Variants in TDRD9 observed in about 807,000 individuals in gnomAD.
TDRD9 encodes tudor domain containing 9.
A neutral mutation model predicts 172.6 loss-of-function variants in TDRD9; 124 were observed. The observed-to-expected ratio is 0.72, with a 90% CI of 0.62 to 0.83. The LOEUF is 0.83. Among genes scored for constraint, TDRD9 ranks in the 40% least tolerant of loss-of-function variants. The probability of loss-of-function intolerance (pLI) is 0.00; values close to 1 mark genes in which losing one functional copy is unlikely to be tolerated. For synonymous variants in TDRD9, 619 were observed against 617.1 expected (o/e 1.00, Z -0.05); for missense variants, 1,479 against 1,714.1 (o/e 0.86, Z 2.42).
chr14:103,964,765 C>T (rs561151361), intron 3 of TDRD9, among the ~76,000 whole-genome samples: 5 of 152,146 alleles, frequency 3.3e-5, no homozygotes, highest in Admixed American at 1.3e-4. Flanking sequence ...CCTCGTGATC[C>T]GCCCGCCTTG....
intron 8 of TDRD9, among the ~76,000 whole-genome samples, chr14:103,986,552 A>C (rs2033667776): frequency 6.6e-6 from 1 of 152,208 alleles, no homozygotes; most frequent in African/African-American, 2.4e-5. Context: ...ATAGTTTTAA[A>C]AGCTAGGATT....
chr14:103,952,388 C>G (rs919714698), intron 1 of TDRD9, among the ~76,000 whole-genome samples: 3 of 149,172 alleles, frequency 2.0e-5, no homozygotes, highest in Admixed American at 6.7e-5. Context: ...ACTACAGGCG[C>G]CCGCCACCAC....
At chr14:103,986,105 TAGAG>T (rs2033649095) in intron 7 of TDRD9, 108 bp from the exon 8 acceptor site, 2 of 756,598 alleles carry the variant, frequency 2.6e-6, no homozygotes, top group African/African-American at 1.8e-5. Context: ...AACTTTTATT[TAGAG>T]AGTTTGTTAC....
chr14:103,952,362 T>C (rs1484676610), intron 1 of TDRD9, among the ~76,000 whole-genome samples: 2 of 145,382 alleles, frequency 1.4e-5, no homozygotes, highest in East Asian at 2.1e-4. Context: ...CTGCCTCAGC[T>C]TCCCGAGTAT....
chr14:104,005,924 A>G (rs1391422593), intron 15 of TDRD9, among the ~76,000 whole-genome samples: 1 of 152,130 alleles, frequency 6.6e-6, no homozygotes, highest in Non-Finnish European at 1.5e-5. Context: ...TGACCCTCCC[A>G]CTGTGGCCTC....
At chr14:103,944,081 ATT>A (rs1271619734) in intron 1 of TDRD9, among the ~76,000 whole-genome samples, 4 of 151,958 alleles carry the variant, frequency 2.6e-5, no homozygotes, top group Admixed American at 2.6e-4. Context: ...TACTGCATAA[ATT>A]TTTTTCCTCT....
intron 19 of TDRD9, 99 bp downstream of exon 19, chr14:104,007,303 AC>A (rs2034471927): frequency 1.7e-6 from 2 of 1,181,842 alleles, no homozygotes; most frequent in African/African-American, 1.5e-5. Context: ...TGACGGTGCC[AC>A]CTGCGGCTGG....
intron 26 of TDRD9, 36 bp from the exon 27 acceptor site, chr14:104,026,011 C>A (rs143364824): frequency 2.9e-6 from 4 of 1,396,222 alleles, no homozygotes; most frequent in East Asian, 2.3e-5. Flanking sequence ...TTGTTTTTGA[C>A]CCCGTCGTAA....
chr14:104,049,553 A>G (rs548093754), intron 34 of TDRD9, 55 bp from the exon 35 acceptor site: 148 of 1,366,560 alleles, frequency 1.1e-4, no homozygotes, highest in Non-Finnish European at 1.5e-4. Context: ...AAATCACAGC[A>G]GTGTTTTCAG....
chr14:103,953,303 C>G (rs888126976), intron 1 of TDRD9, among the ~76,000 whole-genome samples: 2 of 152,166 alleles, frequency 1.3e-5, no homozygotes, highest in African/African-American at 4.8e-5. Context: ...GGGAGCCACC[C>G]AGGCATCTTG....
intron 7 of TDRD9, among the ~76,000 whole-genome samples, chr14:103,977,523 ATT>A (rs1447411594): frequency 2.3e-4 from 27 of 117,512 alleles, no homozygotes; most frequent in African/African-American, 7.4e-4. Flanking sequence ...AAAAAAAAAA[ATT>A]GGATTGTTTT....
At chr14:104,034,347 T>C (rs553324581) in intron 31 of TDRD9, among the ~76,000 whole-genome samples, 3 of 151,742 alleles carry the variant, frequency 2.0e-5, no homozygotes, top group South Asian at 2.1e-4. Context: ...CCTGCCACCA[T>C]GCCTGGCTAA....
chr14:103,937,874 C>CT (rs147358824), intron 1 of TDRD9, among the ~76,000 whole-genome samples: 51,062 of 149,950 alleles, frequency 0.34, 8,818 homozygotes, highest in Middle Eastern at 0.37. Context: ...TTTTAATTTT[C>CT]TTTTTTGAAT....
At position 103,965,430 on chromosome 14, in the gene TDRD9, A is replaced by G. The variant is rs767083697; in HGVS notation, c.518A>G (p.Tyr173Cys). ...CTCCCGCAGTATATCTTGGACCACT[A>G]CGTTCAGCGCTCCGCCTACTGCAGC... ...TQLPQYILDH[Y>C]VQRSAYCSIV... Residue 173 changes from tyrosine to cysteine, a missense_variant, in exon 4 of 36, where the codon TAC becomes TGC. Physicochemically the swap from Tyr to Cys is radical, Grantham distance 194 (BLOSUM62 -2). Around this residue, in one of 3 missense-constraint regions of TDRD9, gnomAD observed 1,413 missense variants for 1,649.1 expected, o/e 0.86. Coordinates refer to ENST00000409874, the MANE Select transcript of TDRD9 (RefSeq NM_153046.3). The G allele has an allele frequency of 7.1e-6, 11 of 1,551,620 alleles. No homozygotes were observed. Among genetic ancestry groups the G allele is most frequent in the Non-Finnish European group, 9.6e-6 (11 of 1,146,986 alleles).
At chr14:104,012,163 G>A (rs1028924854) in intron 20 of TDRD9, among the ~76,000 whole-genome samples, 18 of 152,182 alleles carry the variant, frequency 1.2e-4, no homozygotes, top group Middle Eastern at 3.2e-3. Flanking sequence ...TCCCTCCAGA[G>A]GAAACTGTTA....
intron 28 of TDRD9, among the ~76,000 whole-genome samples, chr14:104,029,203 T>C (rs1343106190): frequency 6.6e-6 from 1 of 152,204 alleles, no homozygotes; most frequent in Admixed American, 6.5e-5. Context: ...GGATTGTTTT[T>C]TCTATTTCTG....
intron 22 of TDRD9, among the ~76,000 whole-genome samples, chr14:104,017,284 A>T (rs1236203497): frequency 6.6e-6 from 1 of 151,720 alleles, no homozygotes; most frequent in Non-Finnish European, 1.5e-5. Flanking sequence ...TACATCATAA[A>T]AGCTCAATAA....
intron 9 of TDRD9, among the ~76,000 whole-genome samples, chr14:103,993,339 TA>T (rs1341416197): frequency 6.6e-6 from 1 of 152,176 alleles, no homozygotes; most frequent in Non-Finnish European, 1.5e-5. Flanking sequence ...AAAATATTTA[TA>T]AGTGATATTT....
At chr14:104,002,227 G>A (rs1370968766) in intron 13 of TDRD9, among the ~76,000 whole-genome samples, 7 of 151,638 alleles carry the variant, frequency 4.6e-5, no homozygotes, top group Admixed American at 4.6e-4. Context: ...GGGTGAGGTG[G>A]GAGGATAGAT....
Sources: gnomAD v4.1 joint callset for allele counts (sites outside exome capture counted in the v4.1 genomes callset) on GRCh38, gnomAD v4.1.1 for gene constraint, gnomAD v4.1.1 regional missense constraint, MANE v1.5 for transcripts, NCBI Gene and HGNC (gene_info 2026-07-23, HGNC 2026-07-21) for gene names.